The following PTPRD variants were observed in gnomAD, a reference collection of about 807,000 sequenced individuals.
The protein encoded by PTPRD is protein tyrosine phosphatase receptor type D.
Under a neutral mutation model 214.5 loss-of-function variants are expected in PTPRD, and 34 were observed. The ratio of observed to expected loss-of-function variants is 0.16; its 90% confidence interval spans 0.12 to 0.21. The LOEUF is 0.21. Ranked by LOEUF, PTPRD falls within the 10% of genes least tolerant of loss-of-function variation. The probability of loss-of-function intolerance (pLI) is 1.00; values close to 1 mark genes in which losing one functional copy is unlikely to be tolerated. For missense variants in PTPRD, 2,545 were observed against 2,398.7 expected, an observed-to-expected ratio of 1.06 and a Z score of -1.27; for synonymous variants, 1,128 against 845.7, an observed-to-expected ratio of 1.33 and a Z score of -5.79.
chr9:10,523,622 T>C (rs1198254461), intron 2 of PTPRD, among the ~76,000 whole-genome samples: 1 of 131,386 alleles, frequency 7.6e-6, no homozygotes, highest in South Asian at 2.5e-4. Context: ...TATATATATA[T>C]AGACAGAAAG....
At chr9:9,606,407 G>GT (rs1009196398) in intron 7 of PTPRD, among the ~76,000 whole-genome samples, 3 of 151,868 alleles carry the variant, frequency 2.0e-5, no homozygotes, top group African/African-American at 7.2e-5. Flanking sequence ...AAAATCTGGT[G>GT]TTTTTTTGTT....
chr9:9,925,959 G>A (rs1184332690), intron 5 of PTPRD, among the ~76,000 whole-genome samples: 3 of 152,076 alleles, frequency 2.0e-5, no homozygotes, highest in East Asian at 1.9e-4. Flanking sequence ...CTCCTAAGTA[G>A]CTGGGAGTAC....
intron 35 of PTPRD, among the ~76,000 whole-genome samples, chr9:8,421,207 A>G (rs1535673): frequency 0.97 from 147,511 of 152,298 alleles, 71,477 homozygotes; most frequent in East Asian, 1. Flanking sequence ...AGCAAACTAG[A>G]CTCCTCCTTC....
chr9:9,175,729 G>T (rs569033765), intron 10 of PTPRD, among the ~76,000 whole-genome samples: 2 of 150,874 alleles, frequency 1.3e-5, no homozygotes, highest in Non-Finnish European at 2.9e-5. Flanking sequence ...TGTGTGATCC[G>T]ATTGTATTAC....
chr9:8,411,590 C>G (rs939222317), intron 35 of PTPRD, among the ~76,000 whole-genome samples: 1 of 152,184 alleles, frequency 6.6e-6, no homozygotes, highest in Non-Finnish European at 1.5e-5. Flanking sequence ...AGGCGTGAGT[C>G]ACTACACCCA....
intron 2 of PTPRD, among the ~76,000 whole-genome samples, chr9:10,582,809 G>C (rs1389947237): frequency 6.6e-6 from 1 of 152,130 alleles, no homozygotes; most frequent in Admixed American, 6.5e-5. Context: ...AAGTAATTCA[G>C]GGTACTGTGA....
At position 9,928,192 on chromosome 9, in the gene PTPRD, G is replaced by C. The variant is rs1047604388; in HGVS notation, c.-368+10315C>G. Among the ~76,000 whole-genome samples, 6 of 152,120 alleles carry C rather than the reference G, an allele frequency of 3.9e-5. 1 individual carries two copies. Among genetic ancestry groups the C allele is most frequent in the African/African-American group, 1.4e-4 (6 of 41,440 alleles). ...TAACTTTTGTTGCTGCATGATGTTA[G>C]CTGCAGCTTAAATTTCAGATCATGA... On this transcript the variant is annotated intron_variant, in intron 5 of 45. Transcript: ENST00000381196.
intron 4 of PTPRD, among the ~76,000 whole-genome samples, chr9:9,944,293 G>C (rs1383539570): frequency 6.6e-6 from 1 of 152,112 alleles, no homozygotes; most frequent in African/African-American, 2.4e-5. Context: ...CCTATTTGAG[G>C]AGTAGTAAGG....
At chr9:8,369,071 G>A (rs978703839) in intron 39 of PTPRD, among the ~76,000 whole-genome samples, 2 of 152,062 alleles carry the variant, frequency 1.3e-5, no homozygotes, top group African/African-American at 4.8e-5. Flanking sequence ...TGGGTCTATG[G>A]TTCACGTTTG....
chr9:8,697,600 T>G (rs1472127841), intron 12 of PTPRD, among the ~76,000 whole-genome samples: 1 of 151,582 alleles, frequency 6.6e-6, no homozygotes, highest in Non-Finnish European at 1.5e-5. Context: ...TTTTCGTATT[T>G]TTAGTAGAGA....
At chr9:8,433,227 A>G (rs993352103) in intron 35 of PTPRD, among the ~76,000 whole-genome samples, 1 of 152,088 alleles carries the variant, frequency 6.6e-6, no homozygotes, top group Non-Finnish European at 1.5e-5. Flanking sequence ...ACAGTGCATT[A>G]CTCCTGTGGT....
chr9:9,527,800 G>A (rs1232891719), intron 8 of PTPRD, among the ~76,000 whole-genome samples: 1 of 152,068 alleles, frequency 6.6e-6, no homozygotes, highest in Non-Finnish European at 1.5e-5. Context: ...TGAGTACTGT[G>A]TTTGTCCTTT....
intron 5 of PTPRD, among the ~76,000 whole-genome samples, chr9:9,769,667 T>C (rs1241096346): frequency 1.3e-5 from 2 of 152,074 alleles, no homozygotes; most frequent in Non-Finnish European, 2.9e-5. Context: ...CTTGCAGGTT[T>C]GTTACACAGG....
chr9:9,515,694 T>A (rs1172531264), intron 8 of PTPRD, among the ~76,000 whole-genome samples: 1 of 151,876 alleles, frequency 6.6e-6, no homozygotes, highest in Non-Finnish European at 1.5e-5. Flanking sequence ...ATTATATCTA[T>A]ATGTTAATAA....
intron 3 of PTPRD, among the ~76,000 whole-genome samples, chr9:10,112,440 T>G (rs1361620429): frequency 2.6e-5 from 4 of 152,200 alleles, no homozygotes; most frequent in Non-Finnish European, 5.9e-5. Flanking sequence ...TATTTTTTTT[T>G]TGTCAAGCTT....
chr9:9,359,620 T>C (rs189829085), intron 9 of PTPRD, among the ~76,000 whole-genome samples: 3 of 151,416 alleles, frequency 2.0e-5, no homozygotes. Flanking sequence ...CACATGGAGA[T>C]GTGGTATGAA....
chr9:9,990,349 G>A, intron 4 of PTPRD, among the ~76,000 whole-genome samples: 1 of 152,310 alleles, frequency 6.6e-6, no homozygotes, highest in Non-Finnish European at 1.5e-5. Flanking sequence ...ATGTACGTTT[G>A]GCCCAGCCAT....
intron 33 of PTPRD, among the ~76,000 whole-genome samples, chr9:8,457,837 C>T (rs1336014550): frequency 6.6e-6 from 1 of 151,932 alleles, no homozygotes; most frequent in African/African-American, 2.4e-5. Context: ...TTACCAATGA[C>T]CTGTATATAA....
chr9:9,708,983 C>G (rs1451673512), intron 7 of PTPRD, among the ~76,000 whole-genome samples: 1 of 151,902 alleles, frequency 6.6e-6, no homozygotes, highest in East Asian at 1.9e-4. Context: ...TCAATTATAC[C>G]ATGAGCTTCT....
Sources: gnomAD v4.1 joint callset for allele counts (sites outside exome capture counted in the v4.1 genomes callset) on GRCh38, gnomAD v4.1.1 for gene constraint, MANE v1.5 for transcripts, NCBI Gene and HGNC (gene_info 2026-07-23, HGNC 2026-07-21) for gene names.